ADAMTSL1: variants seen among roughly 807,000 people sequenced by gnomAD.
The protein encoded by ADAMTSL1 is ADAMTS-like protein 1.
A neutral mutation model predicts 201.8 loss-of-function variants in ADAMTSL1; 126 were observed. The observed-to-expected ratio is 0.62, with a 90% confidence interval of 0.54 to 0.72. ADAMTSL1 has a LOEUF of 0.72. Ranked by LOEUF, ADAMTSL1 falls within the 30% of genes least tolerant of loss-of-function variation. The probability of loss-of-function intolerance (pLI) is 0.00; values close to 1 mark genes in which losing one functional copy is unlikely to be tolerated. For missense variants in ADAMTSL1, 2,679 were observed against 2,277.8 expected (o/e 1.18, Z -3.59); for synonymous variants, 1,121 against 903.4 (o/e 1.24, Z -4.32).
chr9:18,868,245 C>G (rs147240668), intron 23 of ADAMTSL1, among the ~76,000 whole-genome samples: 1 of 152,248 alleles, frequency 6.6e-6, no homozygotes. Context: ...TTTTAACACT[C>G]TGTTTTAAGA....
chr9:18,397,135 G>T (rs114324649), intron 2 of ADAMTSL1, among the ~76,000 whole-genome samples: 1 of 151,978 alleles, frequency 6.6e-6, no homozygotes, highest in African/African-American at 2.4e-5. Context: ...TTTCTTATCC[G>T]ATTTTTGTTT....
intron 7 of ADAMTSL1, among the ~76,000 whole-genome samples, chr9:18,646,787 T>G (rs1018708239): frequency 1.3e-5 from 2 of 152,176 alleles, no homozygotes; most frequent in African/African-American, 4.8e-5. Context: ...TGGATTCGGT[T>G]TGCCAGTATT....
chr9:18,779,028 C>T (rs1166682099), intron 19 of ADAMTSL1, among the ~76,000 whole-genome samples: 2 of 152,212 alleles, frequency 1.3e-5, no homozygotes, highest in Admixed American at 1.3e-4. Flanking sequence ...AGGAAAGAAG[C>T]CAGCATTTAT....
At chr9:17,991,019 C>T (rs768084464) in intron 1 of ADAMTSL1, among the ~76,000 whole-genome samples, 1 of 152,082 alleles carries the variant, frequency 6.6e-6, no homozygotes, top group Non-Finnish European at 1.5e-5. Flanking sequence ...AAATTCCAAA[C>T]ACGTAGCTTC....
chr9:18,189,458 A>G (rs1828878680), intron 2 of ADAMTSL1, among the ~76,000 whole-genome samples: 1 of 152,160 alleles, frequency 6.6e-6, no homozygotes, highest in African/African-American at 2.4e-5. Context: ...TAGCAAGCAA[A>G]TACAAATTCT....
chr9:18,526,996 C>T (rs1239177700), intron 2 of ADAMTSL1, among the ~76,000 whole-genome samples: 1 of 152,086 alleles, frequency 6.6e-6, no homozygotes, highest in South Asian at 2.1e-4. Context: ...GAGAGATAGG[C>T]TTGTATTCAC....
chr9:18,777,844 C>T lies in ADAMTSL1; in HGVS notation c.3615C>T (p.Ile1205=), dbSNP rs530684002. 6.2e-6 allele frequency: 10 copies of T among 1,601,902 alleles called. No individual in the cohort carries two copies. The East Asian group carries it at 6.7e-5, about 11-fold the overall frequency. The change falls in exon 19 of 29, where the codon ATC becomes ATT. Residue 1205 remains isoleucine (I), a synonymous_variant. Coordinates refer to ENST00000380548, the MANE Select transcript of ADAMTSL1 (RefSeq NM_001040272.6). ...GTGTTCTTCTGCACTGTGAGGCCATCGGCCACCCAAGGCCTACCATCAGCT... is the reference window on the plus strand; with the variant it reads ...GTGTTCTTCTGCACTGTGAGGCCATTGGCCACCCAAGGCCTACCATCAGCT... ...TLSVLLHCEA[I]GHPRPTISWA...
intron 2 of ADAMTSL1, among the ~76,000 whole-genome samples, chr9:18,167,875 G>C (rs186122030): frequency 6.6e-6 from 1 of 151,922 alleles, no homozygotes; most frequent in Admixed American, 6.6e-5. Context: ...AAATATGTCA[G>C]GAACATTTGA....
chr9:18,169,045 G>C (rs1348880344), intron 2 of ADAMTSL1, among the ~76,000 whole-genome samples: 11 of 121,390 alleles, frequency 9.1e-5, no homozygotes, highest in Admixed American at 7.2e-4. Flanking sequence ...AGATGAGTAG[G>C]TTGCAAAACT....
intron 4 of ADAMTSL1, among the ~76,000 whole-genome samples, chr9:18,582,288 C>T (rs976965875): frequency 2.6e-5 from 4 of 152,168 alleles, no homozygotes; most frequent in Non-Finnish European, 5.9e-5. Context: ...TCTCTTGGCT[C>T]TCACATTTTA....
intron 2 of ADAMTSL1, among the ~76,000 whole-genome samples, chr9:18,254,777 T>C (rs1387348564): frequency 6.6e-6 from 1 of 151,746 alleles, no homozygotes; most frequent in Non-Finnish European, 1.5e-5. Flanking sequence ...ACAGTTGGTA[T>C]GTATAAAGTT....
At chr9:18,297,913 G>A (rs1229181704) in intron 2 of ADAMTSL1, among the ~76,000 whole-genome samples, 1 of 152,292 alleles carries the variant, frequency 6.6e-6, no homozygotes, top group African/African-American at 2.4e-5. Context: ...TTTGGAGCTG[G>A]GGATGTGATG....
intron 21 of ADAMTSL1, 161 bp from the exon 22 acceptor site, chr9:18,826,123 C>T: frequency 1.3e-6 from 1 of 769,342 alleles, no homozygotes; most frequent in Non-Finnish European, 2.1e-6. Context: ...CTTATCCTAC[C>T]AGGCTCTGGA....
intron 26 of ADAMTSL1, among the ~76,000 whole-genome samples, chr9:18,898,772 C>A (rs1014559752): frequency 6.6e-6 from 1 of 152,162 alleles, no homozygotes; most frequent in African/African-American, 2.4e-5. Flanking sequence ...CTTAAAATCT[C>A]TCCAACTAGA....
chr9:18,193,976 T>A (rs755655026), intron 2 of ADAMTSL1, among the ~76,000 whole-genome samples: 1 of 152,182 alleles, frequency 6.6e-6, no homozygotes, highest in Non-Finnish European at 1.5e-5. Flanking sequence ...GTAGCTTCTT[T>A]TTGTTGTAGG....
At chr9:18,655,720 T>C (rs914835606) in intron 7 of ADAMTSL1, among the ~76,000 whole-genome samples, 1 of 149,796 alleles carries the variant, frequency 6.7e-6, no homozygotes, top group South Asian at 2.1e-4. Flanking sequence ...TTTTCATGAA[T>C]CTTGTGTTTA....
chr9:18,021,033 T>C (rs1820460232), intron 1 of ADAMTSL1, among the ~76,000 whole-genome samples: 1 of 152,124 alleles, frequency 6.6e-6, no homozygotes, highest in Non-Finnish European at 1.5e-5. Flanking sequence ...CGACATCACC[T>C]GGGATCCTAT....
chr9:18,006,166 T>C (rs946768889), intron 1 of ADAMTSL1, among the ~76,000 whole-genome samples: 1 of 151,996 alleles, frequency 6.6e-6, no homozygotes, highest in Non-Finnish European at 1.5e-5. Flanking sequence ...ACGAATGTGA[T>C]ATCACTGAGT....
intron 7 of ADAMTSL1, among the ~76,000 whole-genome samples, chr9:18,656,310 T>G (rs1236269446): frequency 6.6e-6 from 1 of 151,926 alleles, no homozygotes; most frequent in African/African-American, 2.4e-5. Context: ...ATCCATCCAT[T>G]TATCCTACAT....
Sources: allele counts gnomAD v4.1 joint callset (sites outside exome capture counted in the v4.1 genomes callset), GRCh38; gene constraint gnomAD v4.1.1; transcripts MANE v1.5; gene names NCBI Gene and HGNC (gene_info 2026-07-23, HGNC 2026-07-21).